The following NHS variants were observed in gnomAD, a reference collection of about 807,000 sequenced individuals.
NHS encodes the protein NHS actin remodeling regulator.
Under a neutral mutation model 72.5 loss-of-function variants are expected in NHS, and 5 were observed. The ratio of observed to expected loss-of-function variants is 0.07; its 90% confidence interval spans 0.04 to 0.14. NHS has a LOEUF of 0.14. NHS is among the 10% of genes least tolerant of loss of function. The pLI is 1.00. For missense variants in NHS, 1,072 were observed against 1,355.7 expected, an observed-to-expected ratio of 0.79 and a Z score of 3.29; for synonymous variants, 464 against 547.7, an observed-to-expected ratio of 0.85 and a Z score of 2.13.
At chrX:17,656,552 T>G (rs2065957061) in intron 1 of NHS, among the ~76,000 whole-genome samples, 1 of 112,857 alleles carries the variant, frequency 8.9e-6, no homozygotes, top group Admixed American at 9.3e-5. Context: ...TTGGCAGAGC[T>G]GAGCGAGGGT....
chrX:17,672,394 G>A (rs1162601260), intron 1 of NHS, among the ~76,000 whole-genome samples: 2 of 112,440 alleles, frequency 1.8e-5, no homozygotes, highest in Non-Finnish European at 3.8e-5. Flanking sequence ...TGGAAGTGGT[G>A]TGTGTCACTT....
At chrX:17,587,183 A>G (rs2065580167) in intron 1 of NHS, 1 of 112,710 alleles carries the variant, frequency 8.9e-6, no homozygotes, top group African/African-American at 3.2e-5. Flanking sequence ...GCTTCTTCCA[A>G]AAACAAACTA....
intron 1 of NHS, among the ~76,000 whole-genome samples, chrX:17,604,274 G>A (rs111974020): frequency 5.8e-5 from 6 of 102,676 alleles, no homozygotes; most frequent in African/African-American, 2.5e-4. Flanking sequence ...ACACATTAAT[G>A]TGGTCCAAAA....
chrX:17,433,891 A>T (rs116192355), intron 1 of NHS, among the ~76,000 whole-genome samples: 5,302 of 111,949 alleles, frequency 0.047, 351 homozygotes, highest in African/African-American at 0.16. Flanking sequence ...CTTCTACAAC[A>T]TCCCCAAACC....
intron 1 of NHS, among the ~76,000 whole-genome samples, chrX:17,402,190 G>A (rs1234824330): frequency 8.9e-6 from 1 of 111,912 alleles, no homozygotes; most frequent in African/African-American, 3.2e-5. Flanking sequence ...ACAATAGTAA[G>A]TGTTGGTGAG....
chrX:17,379,659 C>T (rs1462858369), intron 1 of NHS, among the ~76,000 whole-genome samples: 1 of 111,574 alleles, frequency 9.0e-6, no homozygotes, highest in Non-Finnish European at 1.9e-5. Context: ...CCTGTAATCC[C>T]AGCTACTTGG....
At chrX:17,692,552 T>A (rs2066203856) in intron 3 of NHS, 84 bp downstream of exon 3, 1 of 1,115,842 alleles carries the variant, frequency 9.0e-7, no homozygotes, top group Admixed American at 2.2e-5. Flanking sequence ...TGCCTCCCAG[T>A]GAGAGAGGCT....
At chrX:17,637,635 T>G (rs956003441) in intron 1 of NHS, among the ~76,000 whole-genome samples, 2 of 112,060 alleles carry the variant, frequency 1.8e-5, no homozygotes, top group African/African-American at 6.5e-5. Flanking sequence ...TGCTTTTACC[T>G]TAACGCAAAT....
intron 1 of NHS, among the ~76,000 whole-genome samples, chrX:17,475,076 TAG>T (rs2064910425): frequency 9.0e-6 from 1 of 111,142 alleles, no homozygotes; most frequent in African/African-American, 3.3e-5. Flanking sequence ...GAGGGAAAAA[TAG>T]AGACAGAGAA....
intron 1 of NHS, among the ~76,000 whole-genome samples, chrX:17,678,900 C>T (rs2066104809): frequency 8.9e-6 from 1 of 111,765 alleles, no homozygotes; most frequent in African/African-American, 3.3e-5. Context: ...AGTTCCTAGC[C>T]CAGAACTTTG....
intron 1 of NHS, among the ~76,000 whole-genome samples, chrX:17,607,535 C>G (rs923101168): frequency 1.8e-4 from 20 of 111,620 alleles, no homozygotes; most frequent in African/African-American, 6.2e-4. Flanking sequence ...GTTTCTCCCC[C>G]TAGTAAGGAG....
At chrX:17,605,186 C>T (rs112372983) in intron 1 of NHS, among the ~76,000 whole-genome samples, 466 of 112,185 alleles carry the variant, frequency 4.2e-3, no homozygotes, top group Non-Finnish European at 7.4e-3. Flanking sequence ...TTGGGAATGT[C>T]TTACTTTTAA....
intron 1 of NHS, among the ~76,000 whole-genome samples, chrX:17,652,888 T>C (rs2065936968): frequency 9.0e-6 from 1 of 111,446 alleles, no homozygotes; most frequent in South Asian, 3.8e-4. Flanking sequence ...AAAATAATAA[T>C]TTAAAATATA....
intron 1 of NHS, among the ~76,000 whole-genome samples, chrX:17,489,498 TG>T (rs1169441882): frequency 1.4e-3 from 159 of 111,652 alleles, no homozygotes; most frequent in Non-Finnish European, 2.4e-3. Flanking sequence ...TTGTTGTTGT[TG>T]TTGTTTGAGA....
At chrX:17,561,410 G>A (rs970305693) in intron 1 of NHS, among the ~76,000 whole-genome samples, 1 of 110,465 alleles carries the variant, frequency 9.1e-6, no homozygotes, top group Non-Finnish European at 1.9e-5. Flanking sequence ...GGAAGGAGAA[G>A]AGGATTGACA....
chrX:17,543,175 A>T (rs916495225), intron 1 of NHS, among the ~76,000 whole-genome samples: 1 of 111,430 alleles, frequency 9.0e-6, no homozygotes, highest in African/African-American at 3.3e-5. Flanking sequence ...GCTACTGGTG[A>T]TGTTGGCCCA....
intron 1 of NHS, among the ~76,000 whole-genome samples, chrX:17,645,784 A>C (rs761123662): frequency 1.4e-4 from 16 of 112,440 alleles, no homozygotes; most frequent in Non-Finnish European, 2.6e-4. Flanking sequence ...TGTTTTAAAA[A>C]GTCAATTTTT....
chrX:17,489,783 G>A lies in NHS; in HGVS notation c.565+113461G>A, dbSNP rs1311119942. The stretch of plus-strand genomic sequence containing the variant: ...ATTACAGGCATGAGCCACAGCGCCC[G>A]GCTCTGTTGTTTCCTAACTTTTTAA... On this transcript the variant is annotated intron_variant, in intron 1 of 8. Coordinates refer to ENST00000676302, the MANE Select transcript of NHS (RefSeq NM_001291867.2). Among the ~76,000 whole-genome samples, 3 of 112,114 alleles carry A rather than the reference G, an allele frequency of 2.7e-5. No individual in the cohort carries two copies. The East Asian group carries it at 8.4e-4, about 31-fold the overall frequency.
chrX:17,715,071 CAT>C (rs1170039344), intron 3 of NHS, among the ~76,000 whole-genome samples: 1 of 111,655 alleles, frequency 9.0e-6, no homozygotes, highest in Admixed American at 9.5e-5. Context: ...TTTTTGATTA[CAT>C]GAGTGAGTTC....
Sources: gnomAD v4.1 joint callset for allele counts (sites outside exome capture counted in the v4.1 genomes callset) on GRCh38, gnomAD v4.1.1 for gene constraint, MANE v1.5 for transcripts, NCBI Gene and HGNC (gene_info 2026-07-23, HGNC 2026-07-21) for gene names.